The following TBC1D22A variants were observed in gnomAD, a reference collection of about 807,000 sequenced individuals.
TBC1D22A encodes TBC1 domain family member 22A, also known as putative GTPase activator.
Under a neutral mutation model 60.2 loss-of-function variants are expected in TBC1D22A, and 38 were observed. The ratio of observed to expected loss-of-function variants is 0.63; its 90% CI spans 0.49 to 0.83. TBC1D22A has a LOEUF of 0.83. Ranked by LOEUF, TBC1D22A falls within the 40% of genes least tolerant of loss-of-function variation. TBC1D22A has a pLI of 0.00. For missense variants in TBC1D22A, 628 were observed against 701.0 expected (o/e 0.90, Z 1.18); for synonymous variants, 302 against 281.7 (o/e 1.07, Z -0.72).
chr22:47,072,958 G>A (rs1386156398), intron 11 of TBC1D22A, among the ~76,000 whole-genome samples: 2 of 152,228 alleles, frequency 1.3e-5, no homozygotes, highest in Non-Finnish European at 2.9e-5. Flanking sequence ...ATAGCTCTGG[G>A]CAGCTTTTTG....
Position 46,799,758 on chromosome 22 carries a change from C to T in TBC1D22A, c.637+2138C>T, listed in dbSNP as rs141220539. Among the ~76,000 whole-genome samples the T allele has an allele frequency of 4.4e-4, 67 of 152,322 alleles. No individual in the cohort carries two copies. In the Middle Eastern group the frequency reaches 0.014, roughly 31 times the overall value. ...TTGGTTTGTGCTTGTCTGATGTTTG[C>T]CCACAATGAGATTCTGATTGATAAT... On this transcript the variant is annotated intron_variant, in intron 4 of 12. Coordinates refer to ENST00000337137, the MANE Select transcript of TBC1D22A (RefSeq NM_014346.5).
At chr22:46,849,285 C>T (rs540807755) in intron 4 of TBC1D22A, among the ~76,000 whole-genome samples, 49 of 152,334 alleles carry the variant, frequency 3.2e-4, no homozygotes, top group Admixed American at 2.9e-3. Context: ...GGGTGACCTG[C>T]CATCACTCAG....
intron 4 of TBC1D22A, among the ~76,000 whole-genome samples, chr22:46,809,048 G>A (rs1035445083): frequency 6.6e-6 from 1 of 152,240 alleles, no homozygotes; most frequent in East Asian, 1.9e-4. Flanking sequence ...GAATAGGTTA[G>A]TGTATTAATT....
intron 12 of TBC1D22A, among the ~76,000 whole-genome samples, chr22:47,172,772 A>G (rs2068535896): frequency 6.6e-6 from 1 of 152,228 alleles, no homozygotes. Flanking sequence ...CCAGGGCACC[A>G]GGTTGGACCT....
intron 12 of TBC1D22A, among the ~76,000 whole-genome samples, chr22:47,141,651 C>A (rs1468591737): frequency 6.6e-6 from 1 of 152,164 alleles, no homozygotes; most frequent in Non-Finnish European, 1.5e-5. Flanking sequence ...AAGCAGGGCA[C>A]CATGATTCTG....
intron 12 of TBC1D22A, among the ~76,000 whole-genome samples, chr22:47,134,704 C>T (rs771610624): frequency 2.1e-5 from 3 of 145,756 alleles, no homozygotes; most frequent in East Asian, 2.3e-4. Context: ...CAGCCAGCTT[C>T]ACTACCAAAC....
chr22:46,778,634 C>G (rs2083805084), intron 1 of TBC1D22A, among the ~76,000 whole-genome samples: 1 of 152,138 alleles, frequency 6.6e-6, no homozygotes, highest in Admixed American at 6.5e-5. Context: ...ATAACATTGC[C>G]TTCTTCTGGA....
chr22:47,112,570 C>G (rs2065891020), intron 12 of TBC1D22A, among the ~76,000 whole-genome samples: 1 of 152,210 alleles, frequency 6.6e-6, no homozygotes, highest in South Asian at 2.1e-4. Context: ...CCTCCTGCCG[C>G]CCCGCTTCAT....
chr22:46,913,803 A>C, intron 8 of TBC1D22A: 1 of 977,748 alleles, frequency 1.0e-6, no homozygotes, highest in African/African-American at 1.7e-5. Context: ...TTTACCGCCA[A>C]CTTCTGTTGT....
intron 10 of TBC1D22A, among the ~76,000 whole-genome samples, chr22:47,035,771 G>A (rs923465704): frequency 6.6e-6 from 1 of 152,124 alleles, no homozygotes; most frequent in South Asian, 2.1e-4. Flanking sequence ...ACCAGCCCCT[G>A]TCCTTAGGTG....
intron 4 of TBC1D22A, among the ~76,000 whole-genome samples, chr22:46,874,780 C>G (rs948128174): frequency 5.9e-5 from 9 of 151,756 alleles, no homozygotes; most frequent in African/African-American, 1.2e-4. Flanking sequence ...CACCATGTTG[C>G]CCAGGCTGGT....
At chr22:46,931,377 C>T (rs2071346453) in intron 8 of TBC1D22A, among the ~76,000 whole-genome samples, 2 of 152,184 alleles carry the variant, frequency 1.3e-5, no homozygotes, top group South Asian at 4.1e-4. Flanking sequence ...ATGAGTTTCT[C>T]TTCATTTCCA....
At chr22:46,795,950 G>A (rs2084631483) in intron 3 of TBC1D22A, among the ~76,000 whole-genome samples, 2 of 152,284 alleles carry the variant, frequency 1.3e-5, no homozygotes, top group South Asian at 4.1e-4. Flanking sequence ...GGAGGGAGAG[G>A]GGGCACTGTC....
chr22:46,975,511 G>A (rs917314185), intron 9 of TBC1D22A, among the ~76,000 whole-genome samples: 1 of 152,112 alleles, frequency 6.6e-6, no homozygotes, highest in Non-Finnish European at 1.5e-5. Context: ...GGGGCCTCCC[G>A]GGAGGGTCTG....
chr22:47,097,148 G>C (rs751864798), intron 11 of TBC1D22A, among the ~76,000 whole-genome samples: 1 of 152,266 alleles, frequency 6.6e-6, no homozygotes, highest in South Asian at 2.1e-4. Context: ...CCTAGGCCAC[G>C]TGGCCTCCAT....
chr22:46,765,622 C>T (rs801638), intron 1 of TBC1D22A, among the ~76,000 whole-genome samples: 96,553 of 151,216 alleles, frequency 0.64, 30,983 homozygotes, highest in Middle Eastern at 0.82. Context: ...CCCACCAGCA[C>T]GCCTGTCTGT....
chr22:47,013,625 A>G (rs1026166649), intron 10 of TBC1D22A, among the ~76,000 whole-genome samples: 1 of 152,140 alleles, frequency 6.6e-6, no homozygotes, highest in Non-Finnish European at 1.5e-5. Flanking sequence ...GCAGGTGGAA[A>G]CGCATTGCCT....
intron 11 of TBC1D22A, among the ~76,000 whole-genome samples, chr22:47,092,619 C>G (rs2147625734): frequency 6.6e-6 from 1 of 152,242 alleles, no homozygotes; most frequent in South Asian, 2.1e-4. Context: ...TGTGGACATG[C>G]CCACCGGCGG....
chr22:46,893,216 C>G (rs2068494166), intron 6 of TBC1D22A, among the ~76,000 whole-genome samples: 1 of 152,250 alleles, frequency 6.6e-6, no homozygotes, highest in Admixed American at 6.5e-5. Flanking sequence ...GCTGAAGATG[C>G]TGTGTCAAAG....
Sources: allele counts gnomAD v4.1 joint callset (sites outside exome capture counted in the v4.1 genomes callset), GRCh38; gene constraint gnomAD v4.1.1; transcripts MANE v1.5; gene names NCBI Gene and HGNC (gene_info 2026-07-23, HGNC 2026-07-21).